The following NETO1 variants were observed in gnomAD, a reference collection of about 807,000 sequenced individuals.
NETO1 encodes the protein neuropilin and tolloid-like protein 1.
NETO1 carries 26 observed loss-of-function variants against 61.3 expected under a neutral mutation model. The ratio of observed to expected loss-of-function variants is 0.42; its 90% CI spans 0.31 to 0.59. The LOEUF (loss-of-function observed/expected upper bound fraction) is 0.59, where lower values mean the gene tolerates loss of function less well. Ranked by LOEUF, NETO1 falls within the 20% of genes least tolerant of loss-of-function variation. NETO1 has a pLI of 0.12. For synonymous variants in NETO1, 225 were observed against 225.8 expected (o/e 1.00, Z 0.03); for missense variants, 531 against 662.8 (o/e 0.80, Z 2.18).
chr18:72,803,675 G>A (rs145086710), intron 4 of NETO1, among the ~76,000 whole-genome samples: 2 of 152,138 alleles, frequency 1.3e-5, no homozygotes, highest in Admixed American at 6.5e-5. Flanking sequence ...TACAAAATTA[G>A]TCAGGTGTGG....
intron 4 of NETO1, among the ~76,000 whole-genome samples, chr18:72,797,812 C>T (rs911254410): frequency 1.9e-4 from 29 of 152,160 alleles, no homozygotes; most frequent in Non-Finnish European, 3.8e-4. Flanking sequence ...ATTTCTCATA[C>T]ACCCCAGGCT....
chr18:72,816,493 C>T (rs2073037246), intron 4 of NETO1, among the ~76,000 whole-genome samples: 1 of 152,156 alleles, frequency 6.6e-6, no homozygotes, highest in South Asian at 2.1e-4. Flanking sequence ...GGGAAAGCTC[C>T]TGACCTGCAA....
chr18:72,817,799 CT>C (rs2073072995), intron 4 of NETO1, among the ~76,000 whole-genome samples: 1 of 152,246 alleles, frequency 6.6e-6, no homozygotes, highest in Non-Finnish European at 1.5e-5. Context: ...CTGTTTCTGT[CT>C]GTCTCTCAGA....
At chr18:72,835,210 G>T in intron 4 of NETO1, 1 of 1,411,490 alleles carries the variant, frequency 7.1e-7, no homozygotes, top group Non-Finnish European at 9.4e-7. Flanking sequence ...TGTGCTTCAA[G>T]ATGGTGTTAG....
chr18:72,834,768 C>A, intron 4 of NETO1: 4 of 984,864 alleles, frequency 4.1e-6, no homozygotes, highest in Non-Finnish European at 4.8e-6. Flanking sequence ...CATGTTAATT[C>A]CCAGTCCATG....
chr18:72,756,102 A>T lies in NETO1; in HGVS notation c.914T>A (p.Ile305Asn). Residue 305 changes from isoleucine to asparagine, a missense_variant, in exon 8 of 11, where the codon ATT becomes AAT. Ile to Asn is a moderately radical substitution (Grantham distance 149). Transcript: ENST00000327305. ...TCCATTGCAGACCAAAGTATTATTA[A>T]TACACATGTTACTATGGCAGAAGAA... ...NTFFCHSNMCINNTLVCNGLQ... is the reference protein window; with the variant it reads ...NTFFCHSNMCNNNTLVCNGLQ... 1 of 1,610,580 alleles carries T rather than the reference A, an allele frequency of 6.2e-7. No homozygotes were observed. Among genetic ancestry groups the T allele is most frequent in the Non-Finnish European group, 8.5e-7 (1 of 1,177,058 alleles).
At chr18:72,819,496 T>C (rs997975447) in intron 4 of NETO1, among the ~76,000 whole-genome samples, 3 of 152,196 alleles carry the variant, frequency 2.0e-5, no homozygotes, top group Admixed American at 6.5e-5. Flanking sequence ...ATGAGATAGC[T>C]TCATAACATT....
intron 7 of NETO1, among the ~76,000 whole-genome samples, chr18:72,760,741 T>C (rs1198539477): frequency 6.7e-6 from 1 of 148,222 alleles, no homozygotes; most frequent in Non-Finnish European, 1.5e-5. Flanking sequence ...GCAGCATGAA[T>C]ACAAACATTA....
chr18:72,846,032 C>G (rs112660686), intron 4 of NETO1, among the ~76,000 whole-genome samples: 2 of 151,858 alleles, frequency 1.3e-5, no homozygotes, highest in African/African-American at 2.4e-5. Flanking sequence ...ATATCTCCTA[C>G]GCTGAAGGCT....
intron 3 of NETO1, among the ~76,000 whole-genome samples, chr18:72,863,099 A>G (rs1053451958): frequency 2.0e-5 from 3 of 152,166 alleles, no homozygotes; most frequent in African/African-American, 7.2e-5. Flanking sequence ...AAATTACTTC[A>G]ATGGCACCTC....
At chr18:72,863,062 T>C (rs2074627545) in intron 3 of NETO1, among the ~76,000 whole-genome samples, 1 of 152,236 alleles carries the variant, frequency 6.6e-6, no homozygotes, top group Admixed American at 6.5e-5. Context: ...TGCTTCATCA[T>C]CAAAATCTCA....
At chr18:72,818,747 T>A (rs1031223285) in intron 4 of NETO1, among the ~76,000 whole-genome samples, 1 of 152,200 alleles carries the variant, frequency 6.6e-6, no homozygotes, top group Non-Finnish European at 1.5e-5. Context: ...TCATAAAATA[T>A]CATGCTCATT....
intron 4 of NETO1, among the ~76,000 whole-genome samples, chr18:72,850,472 TTAAA>T: frequency 6.6e-6 from 1 of 152,260 alleles, no homozygotes; most frequent in Admixed American, 6.5e-5. Context: ...TTTCAAATAA[TTAAA>T]TAAAAATAAG....
chr18:72,817,496 T>C (rs893868543), intron 4 of NETO1, among the ~76,000 whole-genome samples: 16 of 152,202 alleles, frequency 1.1e-4, no homozygotes, highest in African/African-American at 3.6e-4. Context: ...AGCCACTAAA[T>C]GTTAGAGATT....
At chr18:72,776,437 C>G (rs1352556512) in intron 7 of NETO1, among the ~76,000 whole-genome samples, 1 of 152,154 alleles carries the variant, frequency 6.6e-6, no homozygotes, top group Non-Finnish European at 1.5e-5. Flanking sequence ...AGAAACCAAA[C>G]CATGGCATGC....
At chr18:72,784,474 T>C (rs2071847783) in intron 6 of NETO1, among the ~76,000 whole-genome samples, 1 of 152,190 alleles carries the variant, frequency 6.6e-6, no homozygotes, top group Non-Finnish European at 1.5e-5. Flanking sequence ...TCATGCCATA[T>C]ATAGACAAGC....
chr18:72,827,734 A>AAG (rs991883879), intron 4 of NETO1, among the ~76,000 whole-genome samples: 15 of 151,874 alleles, frequency 9.9e-5, no homozygotes, highest in Non-Finnish European at 1.8e-4. Context: ...AAAAAAAAAA[A>AAG]AAAGAAAGGG....
intron 4 of NETO1, among the ~76,000 whole-genome samples, chr18:72,855,183 A>T (rs2074379275): frequency 6.6e-6 from 1 of 152,212 alleles, no homozygotes; most frequent in South Asian, 2.1e-4. Flanking sequence ...GAACTGGGAT[A>T]GCATATTGCA....
chr18:72,844,945 C>G (rs1333776007), intron 4 of NETO1, among the ~76,000 whole-genome samples: 1 of 152,212 alleles, frequency 6.6e-6, no homozygotes, highest in Non-Finnish European at 1.5e-5. Context: ...AAGCGCAGGT[C>G]TTAACGTGAC....
Sources: allele counts gnomAD v4.1 joint callset (sites outside exome capture counted in the v4.1 genomes callset), GRCh38; gene constraint gnomAD v4.1.1; transcripts MANE v1.5; gene names NCBI Gene and HGNC (gene_info 2026-07-23, HGNC 2026-07-21).